HEATR5A: variants seen among roughly 807,000 people sequenced by gnomAD.
HEATR5A encodes the protein HEAT repeat containing 5A, also known as HEAT repeat-containing protein 5A.
A neutral mutation model predicts 218.8 loss-of-function variants in HEATR5A; 178 were observed. That is an observed-to-expected ratio of 0.81 (90% CI 0.72 to 0.92). The LOEUF (loss-of-function observed/expected upper bound fraction) is 0.92, where lower values mean the gene tolerates loss of function less well. Among genes scored for constraint, HEATR5A ranks in the 40% least tolerant of loss-of-function variants. The probability of loss-of-function intolerance (pLI) is 0.00; values close to 1 mark genes in which losing one functional copy is unlikely to be tolerated. For missense variants in HEATR5A, 2,420 were observed against 2,418.9 expected, an observed-to-expected ratio of 1.00 and a Z score of -0.01; for synonymous variants, 864 against 871.6, an observed-to-expected ratio of 0.99 and a Z score of 0.15.
intron 22 of HEATR5A, among the ~76,000 whole-genome samples, chr14:31,329,237 C>T (rs1435585107): frequency 6.6e-6 from 1 of 152,138 alleles, no homozygotes; most frequent in African/African-American, 2.4e-5. Flanking sequence ...GTCTTATGTC[C>T]ACATTTCAAA....
chr14:31,304,425 CT>C (rs1051516715), intron 32 of HEATR5A, among the ~76,000 whole-genome samples: 22 of 148,938 alleles, frequency 1.5e-4, no homozygotes, highest in South Asian at 4.3e-4. Context: ...TTCACTCTCT[CT>C]TTTTTTTTTA....
At chr14:31,399,787 G>A (rs962198092) in intron 3 of HEATR5A, among the ~76,000 whole-genome samples, 1 of 152,128 alleles carries the variant, frequency 6.6e-6, no homozygotes, top group African/African-American at 2.4e-5. Context: ...TCGAGATCAC[G>A]CCACTGTACT....
In HEATR5A at chr14:31,337,515, C is replaced by T. The variant is rs986133798; in HGVS notation, c.3328G>A (p.Val1110Ile). Reference sequence around the variant, plus strand: ...TCTCTGCTATCCTTAGCAAGCATAACAGCATGTTCTGAAACTTCAGCTGCT... The same window carrying T: ...TCTCTGCTATCCTTAGCAAGCATAATAGCATGTTCTGAAACTTCAGCTGCT... ...REAAEVSEHA[V>I]MLAKDSREEL... is the part of the protein sequence containing the mutation. The change falls in exon 22 of 36, where the codon GTT (valine) becomes ATT (isoleucine). Residue 1110 changes from valine to isoleucine, a missense_variant. Physicochemically the swap from Val to Ile is conservative, Grantham distance 29. Coordinates refer to ENST00000543095, the MANE Select transcript of HEATR5A (RefSeq NM_015473.4). 11 of 1,558,714 alleles carry T rather than the reference C, an allele frequency of 7.1e-6. No homozygotes were observed. Among genetic ancestry groups the T allele is most frequent in the African/African-American group, 4.1e-5 (3 of 73,522 alleles).
At chr14:31,310,594 C>G (rs1899713351) in intron 28 of HEATR5A, among the ~76,000 whole-genome samples, 1 of 152,076 alleles carries the variant, frequency 6.6e-6, no homozygotes, top group Admixed American at 6.6e-5. Context: ...GAGCCGAGAT[C>G]AAGCCACTGC....
intron 2 of HEATR5A, 64 bp from the exon 3 acceptor site, chr14:31,400,576 T>C: frequency 4.7e-6 from 5 of 1,068,738 alleles, no homozygotes; most frequent in South Asian, 1.9e-5. Context: ...TCCCCTAATA[T>C]AATTTTTCTT....
chr14:31,420,070 G>A (rs2031594025), intron 1 of HEATR5A: 1 of 152,392 alleles, frequency 6.6e-6, no homozygotes, highest in African/African-American at 2.4e-5. Flanking sequence ...GCGGCGAGTT[G>A]GCGAGGCGGG....
chr14:31,306,427 G>T (rs901677438), intron 31 of HEATR5A, among the ~76,000 whole-genome samples: 2 of 152,136 alleles, frequency 1.3e-5, no homozygotes, highest in Non-Finnish European at 2.9e-5. Flanking sequence ...AGGCTGCAGT[G>T]AGGCGAGATC....
At chr14:31,386,384 G>A (rs2030222722) in intron 9 of HEATR5A, 36 bp downstream of exon 9, 2 of 1,564,568 alleles carry the variant, frequency 1.3e-6, no homozygotes, top group Non-Finnish European at 1.7e-6. Flanking sequence ...GTTATCTAGT[G>A]TACAAGGTAT....
At chr14:31,419,795 G>A (rs1450310504) in intron 1 of HEATR5A, among the ~76,000 whole-genome samples, 2 of 152,180 alleles carry the variant, frequency 1.3e-5, no homozygotes, top group Non-Finnish European at 2.9e-5. Flanking sequence ...TTGAAATAAC[G>A]CCGCGTTGGC....
intron 10 of HEATR5A, among the ~76,000 whole-genome samples, chr14:31,382,351 G>A (rs1320772655): frequency 6.6e-6 from 1 of 152,160 alleles, no homozygotes; most frequent in Non-Finnish European, 1.5e-5. Flanking sequence ...GTTATGGAAT[G>A]GTCTTCTGCA....
intron 27 of HEATR5A, among the ~76,000 whole-genome samples, chr14:31,314,695 C>G (rs1037435751): frequency 2.0e-5 from 3 of 152,192 alleles, no homozygotes; most frequent in Non-Finnish European, 2.9e-5. Flanking sequence ...GCCACTGCAC[C>G]TGGCCAGACC....
At chr14:31,363,862 T>C (rs8019239) in intron 14 of HEATR5A, among the ~76,000 whole-genome samples, 152,002 of 152,224 alleles carry the variant, frequency 1, 75,891 homozygotes, top group Middle Eastern at 1. Context: ...TGCCTGTAGT[T>C]CCAGCTACCC....
At chr14:31,418,820 G>C (rs2031542396) in intron 1 of HEATR5A, among the ~76,000 whole-genome samples, 1 of 152,102 alleles carries the variant, frequency 6.6e-6, no homozygotes, top group Admixed American at 6.5e-5. Context: ...AAAAAATTCA[G>C]AATTTAACCC....
At chr14:31,410,086 A>G (rs1342429228) in intron 1 of HEATR5A, among the ~76,000 whole-genome samples, 1 of 152,248 alleles carries the variant, frequency 6.6e-6, no homozygotes, top group Non-Finnish European at 1.5e-5. Flanking sequence ...CTTCTGGAGC[A>G]TGAAAATAAT....
intron 3 of HEATR5A, among the ~76,000 whole-genome samples, chr14:31,399,067 C>A (rs373515014): frequency 2.0e-5 from 3 of 152,190 alleles, no homozygotes; most frequent in Non-Finnish European, 4.4e-5. Flanking sequence ...ATAGCTGTTA[C>A]ACTTACATCT....
chr14:31,330,118 C>G (rs1900412996), intron 22 of HEATR5A, among the ~76,000 whole-genome samples: 1 of 152,254 alleles, frequency 6.6e-6, no homozygotes, highest in Non-Finnish European at 1.5e-5. Context: ...AGCAGAGGTT[C>G]TCCATGAGGG....
chr14:31,329,348 G>A (rs1900383649), intron 22 of HEATR5A, among the ~76,000 whole-genome samples: 1 of 152,212 alleles, frequency 6.6e-6, no homozygotes, highest in African/African-American at 2.4e-5. Flanking sequence ...AGGCCTATGA[G>A]CCTGTAAAAT....
At chr14:31,398,858 A>T in intron 3 of HEATR5A, 77 bp from the exon 4 acceptor site, 1 of 790,682 alleles carries the variant, frequency 1.3e-6, no homozygotes, top group Non-Finnish European at 2.1e-6. Context: ...ATGTAAGGAT[A>T]ACTGTTGAAA....
intron 11 of HEATR5A, among the ~76,000 whole-genome samples, chr14:31,379,633 T>C (rs2029902660): frequency 6.6e-6 from 1 of 152,060 alleles, no homozygotes; most frequent in South Asian, 2.1e-4. Context: ...TAAAATTAAG[T>C]TTCATTAGCA....
Sources: allele counts gnomAD v4.1 joint callset (sites outside exome capture counted in the v4.1 genomes callset), GRCh38; gene constraint gnomAD v4.1.1; transcripts MANE v1.5; gene names NCBI Gene and HGNC (gene_info 2026-07-23, HGNC 2026-07-21).